Variants in CSNK1G2 observed in about 807,000 individuals in gnomAD.
The protein encoded by CSNK1G2 is casein kinase I isoform gamma-2.
A neutral mutation model predicts 48.0 loss-of-function variants in CSNK1G2; 11 were observed. The observed-to-expected ratio is 0.23, with a 90% CI of 0.14 to 0.38. The LOEUF is 0.38. Among genes scored for constraint, CSNK1G2 ranks in the 10% least tolerant of loss-of-function variants. CSNK1G2 has a pLI of 1.00. For missense variants in CSNK1G2, 446 were observed against 595.5 expected, an observed-to-expected ratio of 0.75 and a Z score of 2.61; for synonymous variants, 337 against 254.1, an observed-to-expected ratio of 1.33 and a Z score of -3.10.
At chr19:1,950,742 C>T (rs905637510) in intron 1 of CSNK1G2, among the ~76,000 whole-genome samples, 2 of 145,436 alleles carry the variant, frequency 1.4e-5, no homozygotes, top group Non-Finnish European at 3.0e-5. Context: ...CAGCACCCGT[C>T]CCCCTGCCTC....
chr19:1,979,455 C>T (rs2015893636), intron 8 of CSNK1G2, 40 bp from the exon 9 acceptor site: 3 of 1,143,844 alleles, frequency 2.6e-6, no homozygotes, highest in Non-Finnish European at 2.4e-6. Flanking sequence ...CACCCCCCAC[C>T]CCCACCCCCG....
At chr19:1,975,838 C>G in intron 2 of CSNK1G2, 1 of 894,828 alleles carries the variant, frequency 1.1e-6, no homozygotes, top group African/African-American at 1.8e-5. Context: ...GAGTTCGAGA[C>G]CAGCCTGGAC....
chr19:1,973,270 C>T (rs1001655364), intron 2 of CSNK1G2, among the ~76,000 whole-genome samples: 4 of 152,138 alleles, frequency 2.6e-5, no homozygotes, highest in Middle Eastern at 3.4e-3. Flanking sequence ...CTTGCCCAGG[C>T]TGGAGTGCAG....
chr19:1,969,131 G>A (rs1039499642), intron 1 of CSNK1G2, among the ~76,000 whole-genome samples: 1 of 152,174 alleles, frequency 6.6e-6, no homozygotes, highest in Non-Finnish European at 1.5e-5. Flanking sequence ...CTCTGTGTCT[G>A]GGGGTGCGAC....
chr19:1,952,242 C>T (rs1023442928), intron 1 of CSNK1G2, among the ~76,000 whole-genome samples: 2 of 152,110 alleles, frequency 1.3e-5, no homozygotes, highest in Admixed American at 6.5e-5. Context: ...GAAGCTAGTG[C>T]GCCGATAGCG....
intron 1 of CSNK1G2, among the ~76,000 whole-genome samples, chr19:1,950,567 C>T (rs36101713): frequency 0.76 from 110,165 of 145,850 alleles, 44,898 homozygotes; most frequent in Non-Finnish European, 0.81. Flanking sequence ...CGTCCGCTTT[C>T]CAGAGAAAAT....
chr19:1,948,397 C>T (rs2014643009), intron 1 of CSNK1G2, among the ~76,000 whole-genome samples: 2 of 152,248 alleles, frequency 1.3e-5, no homozygotes, highest in African/African-American at 2.4e-5. Flanking sequence ...GTGGCAGGCG[C>T]CTGTACTCCC....
rs201198130 is a variant in CSNK1G2, at chr19:1,978,969, C to G, written c.558C>G (p.Ile186Met). 1.2e-6 allele frequency: 2 copies of G among 1,600,582 alleles called. No individual in the cohort carries two copies. The highest frequency in any genetic ancestry group is 8.5e-7 in the Non-Finnish European group (1 of 1,179,716). Residue 186 changes from isoleucine (I) to methionine (M), a missense_variant, in exon 6 of 12, where the codon ATC (isoleucine) becomes ATG (methionine). Physicochemically the swap from Ile to Met is conservative, Grantham distance 10. Transcript: ENST00000255641. The surrounding 1 kb of genome is among the most constrained non-coding windows in gnomAD (Gnocchi z 7.3). ...CCAAGCGGCAGCATGCCATCCACAT[C>G]ATCGACTTCGGGCTGGCCAAGGAGT... ...PGTKRQHAIHIIDFGLAKEYI... is the reference protein window; with the variant it reads ...PGTKRQHAIHMIDFGLAKEYI...
chr19:1,978,823 G>A lies in CSNK1G2; in HGVS notation c.448-36G>A. On this transcript the variant is annotated intron_variant, in intron 5 of 11. Coordinates refer to ENST00000255641, the MANE Select transcript of CSNK1G2 (RefSeq NM_001319.7). This position sits in a 1 kb window ranked among gnomAD's most constrained non-coding sequence, Gnocchi z 7.3. The stretch of plus-strand genomic sequence containing the variant: ...CCTGGAGGGGAGCGCGTGGGACGGG[G>A]AGGGGCCCGGCCGACACCGCCGTGC... The A allele has an allele frequency of 1.3e-6, 2 of 1,592,522 alleles. No individual in the cohort carries two copies. The highest frequency in any genetic ancestry group is 2.7e-5 in the African/African-American group (2 of 74,548).
intron 1 of CSNK1G2, chr19:1,954,776 C>G (rs1213276676): frequency 1.3e-5 from 2 of 152,308 alleles, no homozygotes; most frequent in African/African-American, 4.8e-5. Flanking sequence ...AGAGCAGCCC[C>G]TTGTGGGATG....
chr19:1,960,068 C>T (rs896053725), intron 1 of CSNK1G2, among the ~76,000 whole-genome samples: 6 of 152,216 alleles, frequency 3.9e-5, no homozygotes, highest in Non-Finnish European at 7.3e-5. Context: ...CCCCCACCCA[C>T]GTCCAGGGCC....
intron 2 of CSNK1G2, among the ~76,000 whole-genome samples, chr19:1,976,749 T>G (rs1464540118): frequency 2.0e-5 from 3 of 151,912 alleles, no homozygotes; most frequent in Non-Finnish European, 2.9e-5. Context: ...TTCTTTTTTT[T>G]TTTTTTTGAG....
chr19:1,968,274 G>A (rs182978850), intron 1 of CSNK1G2, among the ~76,000 whole-genome samples: 1 of 72,800 alleles, frequency 1.4e-5, no homozygotes, highest in Admixed American at 1.5e-4. Flanking sequence ...GGCTGCCCCC[G>A]ACCACCCTTC....
chr19:1,947,145 G>T (rs901869649), intron 1 of CSNK1G2, among the ~76,000 whole-genome samples: 5 of 152,134 alleles, frequency 3.3e-5, no homozygotes, highest in African/African-American at 1.2e-4. Flanking sequence ...TTGGAGGCTT[G>T]AAAAAAGTTG....
intron 2 of CSNK1G2, among the ~76,000 whole-genome samples, chr19:1,974,368 C>A (rs1311056677): frequency 6.6e-6 from 1 of 152,206 alleles, no homozygotes; most frequent in Non-Finnish European, 1.5e-5. Flanking sequence ...CAGGAACCCA[C>A]TCCCCTGCTG....
At chr19:1,967,671 GGCTCCTCCCTCCTCCCCA>G (rs879830098) in intron 1 of CSNK1G2, among the ~76,000 whole-genome samples, 9,779 of 149,338 alleles carry the variant, frequency 0.065, 1,690 homozygotes, top group African/African-American at 0.13. Context: ...CTGCAGGTGG[GGCTCCTCCCTCCTCCCCA>G]GGCTGCCCCC....
At chr19:1,947,662 C>T (rs981798262) in intron 1 of CSNK1G2, among the ~76,000 whole-genome samples, 1 of 152,176 alleles carries the variant, frequency 6.6e-6, no homozygotes, top group South Asian at 2.1e-4. Flanking sequence ...CCAGCTGGGC[C>T]CTGGCCACGT....
chr19:1,961,812 G>A (rs931374237), intron 1 of CSNK1G2, among the ~76,000 whole-genome samples: 3 of 152,208 alleles, frequency 2.0e-5, no homozygotes, highest in Admixed American at 1.3e-4. Context: ...GGATGTTTGG[G>A]CAGTAAGGAG....
At chr19:1,962,224 C>T (rs553215784) in intron 1 of CSNK1G2, among the ~76,000 whole-genome samples, 3 of 151,624 alleles carry the variant, frequency 2.0e-5, no homozygotes, top group African/African-American at 7.3e-5. Context: ...CCCAGCTACT[C>T]GGGAGGCTGA....
Sources: allele counts gnomAD v4.1 joint callset (sites outside exome capture counted in the v4.1 genomes callset), GRCh38; gene constraint gnomAD v4.1.1; non-coding constraint Gnocchi (gnomAD v3.1); transcripts MANE v1.5; gene names NCBI Gene and HGNC (gene_info 2026-07-23, HGNC 2026-07-21).